The following CDH13 variants were observed in gnomAD, a reference collection of about 807,000 sequenced individuals.
CDH13 encodes cadherin-13.
Under a neutral mutation model 63.8 loss-of-function variants are expected in CDH13, and 24 were observed. The observed-to-expected ratio is 0.38, with a 90% CI of 0.27 to 0.53. The LOEUF (loss-of-function observed/expected upper bound fraction) is 0.53. CDH13 is among the 20% of genes least tolerant of loss of function. CDH13 has a pLI of 0.85. For missense variants in CDH13, 1,049 were observed against 903.1 expected (o/e 1.16, Z -2.07); for synonymous variants, 503 against 355.3 (o/e 1.42, Z -4.67).
At chr16:83,701,844 A>T (rs1057321036) in intron 10 of CDH13, among the ~76,000 whole-genome samples, 1 of 152,080 alleles carries the variant, frequency 6.6e-6, no homozygotes, top group Non-Finnish European at 1.5e-5. Context: ...TCTCCCTCCA[A>T]ATAACAGCTG....
At chr16:82,835,804 C>T (rs931943350) in intron 1 of CDH13, among the ~76,000 whole-genome samples, 3 of 152,128 alleles carry the variant, frequency 2.0e-5, no homozygotes, top group African/African-American at 7.2e-5. Context: ...TCCAGCAAAC[C>T]AAGGACATTT....
In CDH13 at chr16:83,191,701, G is replaced by A. The variant is rs1003513082; in HGVS notation, c.484-25644G>A. On this transcript the variant is annotated intron_variant, in intron 4 of 13. Transcript: ENST00000567109. ...CTGAAGAACTTGGAGTTTGATGTTC[G>A]AGGGCAGGAAGCATCCAGCATGGGC... Among the ~76,000 whole-genome samples, 5 of 151,594 alleles carry A rather than the reference G, an allele frequency of 3.3e-5. No homozygotes were observed. In the East Asian group the frequency reaches 5.8e-4, roughly 18 times the overall value.
intron 13 of CDH13, among the ~76,000 whole-genome samples, chr16:83,786,306 C>T (rs771973544): frequency 2.0e-5 from 3 of 152,120 alleles, no homozygotes; most frequent in Non-Finnish European, 4.4e-5. Context: ...ATAAGAGCAA[C>T]GTGTTAATTG....
Position 83,438,483 on chromosome 16 carries a change from A to G in CDH13, c.782-47994A>G, listed in dbSNP as rs537688398. Among the ~76,000 whole-genome samples, 91 of 152,370 alleles carry G rather than the reference A, an allele frequency of 6.0e-4. 1 individual carries two copies. ...AGGGCCCGGTCACAGTTGTCTCTTC[A>G]TAACATTCTAAGTCGAGGTATGTTT... On this transcript the variant is annotated intron_variant, in intron 6 of 13. Transcript: ENST00000567109.
chr16:83,728,372 A>G (rs1567555686), intron 10 of CDH13, among the ~76,000 whole-genome samples: 2 of 64,282 alleles, frequency 3.1e-5, no homozygotes. Flanking sequence ...TTGTGAAGAT[A>G]CATTTAGTTT....
chr16:82,800,395 G>A (rs918875818), intron 1 of CDH13, among the ~76,000 whole-genome samples: 8 of 152,088 alleles, frequency 5.3e-5, no homozygotes, highest in African/African-American at 1.4e-4. Flanking sequence ...TCTCCTCAAG[G>A]AAGAGACCCC....
At chr16:82,740,556 C>G (rs1471614324) in intron 1 of CDH13, among the ~76,000 whole-genome samples, 2 of 152,128 alleles carry the variant, frequency 1.3e-5, no homozygotes, top group Admixed American at 6.6e-5. Context: ...GCTCCATAGG[C>G]TGAGGGGTTG....
chr16:83,240,737 T>A (rs1904357581), intron 5 of CDH13, among the ~76,000 whole-genome samples: 1 of 132,610 alleles, frequency 7.5e-6, no homozygotes, highest in African/African-American at 2.7e-5. Flanking sequence ...TTTTTTTTTT[T>A]TTTTTTGAGA....
At chr16:83,330,747 T>G (rs1287142777) in intron 5 of CDH13, among the ~76,000 whole-genome samples, 2 of 152,306 alleles carry the variant, frequency 1.3e-5, no homozygotes, top group East Asian at 3.9e-4. Context: ...GTCCATGACC[T>G]CAGCCCAAAT....
chr16:82,853,890 A>G (rs962322741), intron 1 of CDH13, among the ~76,000 whole-genome samples: 2 of 152,212 alleles, frequency 1.3e-5, no homozygotes, highest in Non-Finnish European at 1.5e-5. Context: ...GGGGAAAACT[A>G]TGTCCAGGTA....
intron 2 of CDH13, among the ~76,000 whole-genome samples, chr16:82,878,243 C>G (rs753176275): frequency 3.3e-5 from 5 of 151,938 alleles, no homozygotes; most frequent in South Asian, 4.2e-4. Flanking sequence ...CTGCAGTTAT[C>G]TCTACCCAAG....
intron 5 of CDH13, among the ~76,000 whole-genome samples, chr16:83,287,954 G>A (rs1248862883): frequency 6.6e-6 from 1 of 152,092 alleles, no homozygotes; most frequent in African/African-American, 2.4e-5. Context: ...AATCCATAAT[G>A]AGCAAAATAT....
chr16:83,121,910 C>T (rs1322286740), intron 3 of CDH13, among the ~76,000 whole-genome samples: 1 of 151,668 alleles, frequency 6.6e-6, no homozygotes, highest in African/African-American at 2.4e-5. Flanking sequence ...AGAGCCTTAG[C>T]TTATCTTGTT....
chr16:83,216,581 A>G (rs1298866335), intron 4 of CDH13, among the ~76,000 whole-genome samples: 2 of 143,436 alleles, frequency 1.4e-5, no homozygotes, highest in African/African-American at 5.1e-5. Context: ...GGTTTAATAT[A>G]TATATTAATA....
intron 5 of CDH13, among the ~76,000 whole-genome samples, chr16:83,285,316 A>T (rs2089281610): frequency 6.6e-6 from 1 of 151,984 alleles, no homozygotes; most frequent in African/African-American, 2.4e-5. Context: ...GTATTTTATT[A>T]TTTTTGTCCA....
chr16:83,354,074 G>C (rs1597815710), intron 6 of CDH13, among the ~76,000 whole-genome samples: 1 of 152,236 alleles, frequency 6.6e-6, no homozygotes, highest in East Asian at 1.9e-4. Flanking sequence ...GAAATGTAGT[G>C]ATCATTCTAC....
At chr16:82,790,127 C>T (rs543316335) in intron 1 of CDH13, among the ~76,000 whole-genome samples, 1 of 152,244 alleles carries the variant, frequency 6.6e-6, no homozygotes, top group South Asian at 2.1e-4. Context: ...GCAACACACA[C>T]ACGTACCTTA....
intron 8 of CDH13, among the ~76,000 whole-genome samples, chr16:83,603,649 C>G (rs962467234): frequency 1.3e-5 from 2 of 152,098 alleles, no homozygotes; most frequent in African/African-American, 4.8e-5. Flanking sequence ...TGCAGTTGCC[C>G]CACTGCTCTC....
Position 82,979,085 on chromosome 16 carries a change from C to G in CDH13, c.158-52925C>G, listed in dbSNP as rs574402889. On this transcript the variant is annotated intron_variant, in intron 2 of 13. Coordinates refer to ENST00000567109, the MANE Select transcript of CDH13 (RefSeq NM_001257.5). ...TTGAACTTTAAGGTTTAATGACTGC[C>G]CTATTGGATTCTAGACTTGCATGGG... Among the ~76,000 whole-genome samples the G allele has an allele frequency of 2.1e-3, 325 of 152,260 alleles. 2 individuals carry two copies. Among genetic ancestry groups the G allele is most frequent in the Middle Eastern group, 0.017 (5 of 294 alleles).
Sources: allele counts gnomAD v4.1 joint callset (sites outside exome capture counted in the v4.1 genomes callset), GRCh38; gene constraint gnomAD v4.1.1; transcripts MANE v1.5; gene names NCBI Gene and HGNC (gene_info 2026-07-23, HGNC 2026-07-21).